CAMK1D: variants seen among roughly 807,000 people sequenced by gnomAD.
CAMK1D encodes calcium/calmodulin dependent protein kinase ID, also known as calcium/calmodulin-dependent protein kinase type 1D.
CAMK1D carries 9 observed loss-of-function variants against 47.7 expected under a neutral mutation model. The ratio of observed to expected loss-of-function variants is 0.19; its 90% CI spans 0.11 to 0.33. The LOEUF (loss-of-function observed/expected upper bound fraction) is 0.33. Among genes scored for constraint, CAMK1D ranks in the 10% least tolerant of loss-of-function variants. CAMK1D has a pLI of 1.00. For synonymous variants in CAMK1D, 184 were observed against 184.9 expected (o/e 0.99, Z 0.04); for missense variants, 291 against 488.7 (o/e 0.60, Z 3.81).
chr10:12,713,343 T>C (rs1301652648), intron 3 of CAMK1D, among the ~76,000 whole-genome samples: 2 of 152,246 alleles, frequency 1.3e-5, no homozygotes, highest in African/African-American at 4.8e-5. Context: ...ATCTAAGTCC[T>C]GTTTCAGCTT....
intron 1 of CAMK1D, among the ~76,000 whole-genome samples, chr10:12,468,562 G>A (rs1218330968): frequency 6.6e-6 from 1 of 152,170 alleles, no homozygotes; most frequent in Non-Finnish European, 1.5e-5. Context: ...AGGTTGTCCT[G>A]GAGTGGCATG....
chr10:12,490,194 T>C (rs1834340747), intron 1 of CAMK1D, among the ~76,000 whole-genome samples: 1 of 152,194 alleles, frequency 6.6e-6, no homozygotes, highest in African/African-American at 2.4e-5. Context: ...GAAGCCTTAC[T>C]TGGGCCTGGG....
At chr10:12,755,717 G>A (rs1479937038) in intron 3 of CAMK1D, among the ~76,000 whole-genome samples, 1 of 152,056 alleles carries the variant, frequency 6.6e-6, no homozygotes, top group Non-Finnish European at 1.5e-5. Flanking sequence ...GATAGCACAT[G>A]TACCCTAAAA....
At chr10:12,758,953 C>T (rs75794021) in intron 3 of CAMK1D, among the ~76,000 whole-genome samples, 2,378 of 152,254 alleles carry the variant, frequency 0.016, 31 homozygotes, top group Non-Finnish European at 0.023. Flanking sequence ...ACAGACGTTC[C>T]GCCTTCAGAG....
intron 2 of CAMK1D, among the ~76,000 whole-genome samples, chr10:12,614,909 T>C (rs191266756): frequency 1.3e-5 from 2 of 152,298 alleles, no homozygotes; most frequent in Admixed American, 6.5e-5. Flanking sequence ...TCGCCATCCT[T>C]AGAAGTGTGT....
chr10:12,426,050 T>A (rs1471806517), intron 1 of CAMK1D, among the ~76,000 whole-genome samples: 1 of 152,210 alleles, frequency 6.6e-6, no homozygotes. Flanking sequence ...TGGTATTATT[T>A]TACAGTTTCC....
intron 2 of CAMK1D, among the ~76,000 whole-genome samples, chr10:12,658,606 T>C (rs957373278): frequency 1.3e-5 from 2 of 152,200 alleles, no homozygotes; most frequent in East Asian, 3.9e-4. Flanking sequence ...ATAAAAACCC[T>C]GAGACCCTAG....
chr10:12,734,875 G>C (rs1835113232), intron 3 of CAMK1D, among the ~76,000 whole-genome samples: 1 of 152,172 alleles, frequency 6.6e-6, no homozygotes, highest in South Asian at 2.1e-4. Context: ...ATTATTGGTG[G>C]ATTTGGGCAT....
intron 1 of CAMK1D, among the ~76,000 whole-genome samples, chr10:12,543,554 AT>A (rs1836267232): frequency 6.6e-6 from 1 of 152,168 alleles, no homozygotes; most frequent in South Asian, 2.1e-4. Flanking sequence ...TGGAGTTAAG[AT>A]GCTCAGAATG....
chr10:12,432,780 A>G (rs1448181678), intron 1 of CAMK1D, among the ~76,000 whole-genome samples: 2 of 152,288 alleles, frequency 1.3e-5, no homozygotes, highest in East Asian at 3.9e-4. Context: ...GTCCACCCTT[A>G]CCGTGTCCTT....
intron 1 of CAMK1D, among the ~76,000 whole-genome samples, chr10:12,540,700 AAGAAT>A (rs764422988): frequency 6.6e-6 from 1 of 152,220 alleles, no homozygotes; most frequent in Non-Finnish European, 1.5e-5. Context: ...GTGGGTATTT[AAGAAT>A]GTCTCATCAT....
chr10:12,697,091 G>A (rs1424645966), intron 3 of CAMK1D, among the ~76,000 whole-genome samples: 1 of 152,162 alleles, frequency 6.6e-6, no homozygotes, highest in Non-Finnish European at 1.5e-5. Flanking sequence ...TCCATGGAAG[G>A]TATGGGTCAA....
chr10:12,412,902 T>C (rs1459648089), intron 1 of CAMK1D, among the ~76,000 whole-genome samples: 1 of 152,130 alleles, frequency 6.6e-6, no homozygotes, highest in African/African-American at 2.4e-5. Flanking sequence ...AAAGGGTTCA[T>C]GAACGCATCC....
intron 1 of CAMK1D, among the ~76,000 whole-genome samples, chr10:12,518,634 G>GCCTTCC (rs547631958): frequency 0.011 from 1,089 of 95,162 alleles, 74 homozygotes; most frequent in East Asian, 0.052. Context: ...GGACCCTGCG[G>GCCTTCC]CCTTCCGCAG....
intron 2 of CAMK1D, among the ~76,000 whole-genome samples, chr10:12,574,099 T>C (rs991714097): frequency 6.6e-6 from 1 of 152,202 alleles, no homozygotes; most frequent in African/African-American, 2.4e-5. Context: ...TGAAACTGTT[T>C]CTTTAAAGAC....
intron 1 of CAMK1D, among the ~76,000 whole-genome samples, chr10:12,427,698 C>CTTTTTTTTTTTTTTTTTTTTTTTTTT (rs1588474191): frequency 7.3e-5 from 2 of 27,364 alleles, no homozygotes; most frequent in East Asian, 2.1e-3. Context: ...ACTGAACTTA[C>CTTTTTTTTTTTTTTTTTTTTTTTTTT]TGTTTTTTTT....
At chr10:12,815,359 C>T (rs1344444695) in intron 7 of CAMK1D, among the ~76,000 whole-genome samples, 4 of 152,198 alleles carry the variant, frequency 2.6e-5, no homozygotes, top group African/African-American at 7.2e-5. Flanking sequence ...TGGGACAATG[C>T]GTTCTAGTCT....
At chr10:12,715,301 C>T (rs993754722) in intron 3 of CAMK1D, among the ~76,000 whole-genome samples, 11 of 152,232 alleles carry the variant, frequency 7.2e-5, no homozygotes, top group Admixed American at 5.9e-4. Flanking sequence ...CAATTGGTCA[C>T]TTCTGTTCTG....
chr10:12,393,301 G>C (rs1285528560), intron 1 of CAMK1D, among the ~76,000 whole-genome samples: 2 of 152,176 alleles, frequency 1.3e-5, no homozygotes, highest in African/African-American at 4.8e-5. Context: ...AAAGTGCTGA[G>C]ATTACAGGCG....
Sources: gnomAD v4.1 joint callset for allele counts (sites outside exome capture counted in the v4.1 genomes callset) on GRCh38, gnomAD v4.1.1 for gene constraint, MANE v1.5 for transcripts, NCBI Gene and HGNC (gene_info 2026-07-23, HGNC 2026-07-21) for gene names.